IL1R2: variants seen among roughly 807,000 people sequenced by gnomAD.
IL1R2 encodes interleukin-1 receptor type 2.
Under a neutral mutation model 39.5 loss-of-function variants are expected in IL1R2, and 46 were observed. That is an observed-to-expected ratio of 1.16 (90% confidence interval 0.92 to 1.49). The LOEUF (loss-of-function observed/expected upper bound fraction) is 1.49. IL1R2 is among the 40% of genes most tolerant of loss of function. IL1R2 has a pLI of 0.00. For missense variants in IL1R2, 537 were observed against 502.0 expected, an observed-to-expected ratio of 1.07 and a Z score of -0.67; for synonymous variants, 207 against 189.6, an observed-to-expected ratio of 1.09 and a Z score of -0.75.
intron 7 of IL1R2, 77 bp downstream of exon 7, chr2:102,024,745 C>A: frequency 7.2e-6 from 11 of 1,527,626 alleles, no homozygotes; most frequent in Non-Finnish European, 9.7e-6. Flanking sequence ...CACTATGACC[C>A]ACATACCACA....
At chr2:101,994,482 G>A (rs546556575) in intron 1 of IL1R2, among the ~76,000 whole-genome samples, 11 of 152,300 alleles carry the variant, frequency 7.2e-5, no homozygotes, top group South Asian at 4.1e-4. Flanking sequence ...ACTTGAGCCC[G>A]CATCAGAATC....
At chr2:102,005,742 G>T (rs1438330917) in intron 1 of IL1R2, among the ~76,000 whole-genome samples, 1 of 152,214 alleles carries the variant, frequency 6.6e-6, no homozygotes, top group African/African-American at 2.4e-5. Flanking sequence ...GGATATGATG[G>T]GAAATGTCTG....
At chr2:102,012,847 A>G (rs1676725671) in intron 3 of IL1R2, among the ~76,000 whole-genome samples, 1 of 152,244 alleles carries the variant, frequency 6.6e-6, no homozygotes, top group Non-Finnish European at 1.5e-5. Flanking sequence ...GTAAGAAAAC[A>G]TGAAACCTGA....
At chr2:102,025,097 A>G (rs1041480098) in intron 7 of IL1R2, among the ~76,000 whole-genome samples, 8 of 152,200 alleles carry the variant, frequency 5.3e-5, no homozygotes, top group Admixed American at 6.5e-5. Context: ...GGCTGCCACA[A>G]TCTCTAAGGG....
chr2:102,024,968 A>C lies in IL1R2; in HGVS notation c.887+300A>C. On this transcript the variant is annotated intron_variant, in intron 7 of 8. Transcript: ENST00000332549. ...CAAGTTAAAAAATATTTTGGAGTTC[A>C]TATCTTTCCATTTTCCACTCTGCAA... 3 of 345,692 alleles carry C rather than the reference A, an allele frequency of 8.7e-6. 1 individual carries two copies. In the South Asian group the frequency reaches 9.0e-5, roughly 10 times the overall value. 21.4% of individuals were successfully genotyped at this position (345,692 alleles called of 1,614,324 possible). A position where few individuals can be genotyped will look rare whatever the true frequency, so the allele number is the denominator to read the frequency against.
intron 4 of IL1R2, 82 bp from the exon 5 acceptor site, chr2:102,019,556 T>C: frequency 5.1e-6 from 5 of 982,498 alleles, no homozygotes; most frequent in Non-Finnish European, 7.5e-6. Flanking sequence ...AATCCCACAT[T>C]GGTTGATAAT....
rs190850889 is a variant in IL1R2 at position 102,024,968 on chromosome 2, A to G, written c.887+300A>G. 92 of 345,692 alleles carry G rather than the reference A, an allele frequency of 2.7e-4. No individual in the cohort carries two copies. In the East Asian group the frequency reaches 3.8e-3, roughly 14 times the overall value. The allele number at this position is 345,692 out of a possible 1,614,324, so 21.4% of individuals were successfully genotyped here. A position where few individuals can be genotyped will look rare whatever the true frequency, so the allele number is the denominator to read the frequency against. On this transcript the variant is annotated intron_variant, in intron 7 of 8. Transcript: ENST00000332549. ...CAAGTTAAAAAATATTTTGGAGTTC[A>G]TATCTTTCCATTTTCCACTCTGCAA...
At chr2:102,000,583 G>A (rs112143646) in intron 1 of IL1R2, among the ~76,000 whole-genome samples, 2,047 of 152,296 alleles carry the variant, frequency 0.013, 51 homozygotes, top group Non-Finnish European at 0.015. Flanking sequence ...TGTGCATCTC[G>A]TGATGGGGTA....
At chr2:102,009,964 G>T in intron 3 of IL1R2, 138 bp downstream of exon 3, 1 of 966,280 alleles carries the variant, frequency 1.0e-6, no homozygotes, top group Non-Finnish European at 1.5e-6. Context: ...CCCGTTTGCT[G>T]TTCCTGACAC....
At chr2:102,016,133 T>G in intron 4 of IL1R2, 82 bp downstream of exon 4, 5 of 1,120,072 alleles carry the variant, frequency 4.5e-6, no homozygotes, top group Non-Finnish European at 6.5e-6. Context: ...AAATATCGAT[T>G]TTCTGAAGAC....
At chr2:102,006,781 C>T (rs541673658) in intron 1 of IL1R2, among the ~76,000 whole-genome samples, 4 of 152,370 alleles carry the variant, frequency 2.6e-5, no homozygotes, top group East Asian at 3.9e-4. Flanking sequence ...GCAGCTGGCA[C>T]GACTGCTCCC....
intron 4 of IL1R2, 81 bp from the exon 5 acceptor site, chr2:102,019,557 G>T (rs1353784441): frequency 2.0e-6 from 2 of 994,054 alleles, no homozygotes; most frequent in East Asian, 5.2e-5. Flanking sequence ...ATCCCACATT[G>T]GTTGATAATG....
At chr2:101,995,600 T>A (rs1675550522) in intron 1 of IL1R2, among the ~76,000 whole-genome samples, 2 of 152,180 alleles carry the variant, frequency 1.3e-5, no homozygotes. Flanking sequence ...TGCTGGTGTG[T>A]TACACGGCAA....
chr2:101,992,845 A>G (rs1408132407), intron 1 of IL1R2, among the ~76,000 whole-genome samples: 1 of 152,226 alleles, frequency 6.6e-6, no homozygotes, highest in Non-Finnish European at 1.5e-5. Flanking sequence ...GGATTTCTCC[A>G]GACCTCAGGA....
chr2:102,024,048 C>CAGAA (rs1677568287), intron 6 of IL1R2, among the ~76,000 whole-genome samples: 1 of 139,896 alleles, frequency 7.1e-6, no homozygotes, highest in East Asian at 2.1e-4. Context: ...GACTCCATCT[C>CAGAA]AAAAACAAAA....
chr2:101,997,883 A>G (rs1055860598), intron 1 of IL1R2, among the ~76,000 whole-genome samples: 2 of 152,168 alleles, frequency 1.3e-5, no homozygotes, highest in African/African-American at 4.8e-5. Context: ...TGCCTGCCTG[A>G]TTCCTCTTGT....
intron 1 of IL1R2, among the ~76,000 whole-genome samples, chr2:101,994,197 C>T (rs1675476360): frequency 6.6e-6 from 1 of 152,138 alleles, no homozygotes; most frequent in Non-Finnish European, 1.5e-5. Context: ...TTCAGTTGGC[C>T]TGGGAGCCTC....
At chr2:102,001,495 C>G (rs1319615708) in intron 1 of IL1R2, among the ~76,000 whole-genome samples, 1 of 152,226 alleles carries the variant, frequency 6.6e-6, no homozygotes, top group Non-Finnish European at 1.5e-5. Flanking sequence ...AGCTATCATT[C>G]TGACACAGCT....
intron 1 of IL1R2, among the ~76,000 whole-genome samples, chr2:102,002,894 GGGTCTATGTCTA>G: frequency 1.3e-5 from 2 of 150,778 alleles, no homozygotes; most frequent in South Asian, 4.2e-4. Flanking sequence ...GTCTCTGCCT[GGGTCTATGTCTA>G]GGTCTATGTC....
Sources: allele counts gnomAD v4.1 joint callset (sites outside exome capture counted in the v4.1 genomes callset), GRCh38; gene constraint gnomAD v4.1.1; transcripts MANE v1.5; gene names NCBI Gene and HGNC (gene_info 2026-07-23, HGNC 2026-07-21).